Variants in HCRTR2 observed in about 807,000 individuals in gnomAD.
HCRTR2 encodes hypocretin receptor 2.
Under a neutral mutation model 49.0 loss-of-function variants are expected in HCRTR2, and 22 were observed. That is an observed-to-expected ratio of 0.45 (90% CI 0.32 to 0.64). The LOEUF is 0.64. Among genes scored for constraint, HCRTR2 ranks in the 30% least tolerant of loss-of-function variants. The pLI, the probability that HCRTR2 is intolerant of heterozygous loss-of-function variation, is 0.04. For missense variants in HCRTR2, 491 were observed against 559.4 expected (o/e 0.88, Z 1.23); for synonymous variants, 236 against 205.3 (o/e 1.15, Z -1.28).
intron 1 of HCRTR2, among the ~76,000 whole-genome samples, chr6:55,196,684 A>T (rs1295139161): frequency 6.6e-6 from 1 of 152,190 alleles, no homozygotes; most frequent in Non-Finnish European, 1.5e-5. Flanking sequence ...AACCTATATG[A>T]TTCAGGTGGT....
intron 4 of HCRTR2, among the ~76,000 whole-genome samples, chr6:55,275,170 T>C (rs1433905683): frequency 2.0e-5 from 3 of 152,230 alleles, no homozygotes; most frequent in African/African-American, 4.8e-5. Flanking sequence ...AGGTCCATCA[T>C]GTACATGCTA....
chr6:55,120,175 C>T (rs1288527134), intron 1 of HCRTR2, among the ~76,000 whole-genome samples: 1 of 152,034 alleles, frequency 6.6e-6, no homozygotes, highest in East Asian at 1.9e-4. Flanking sequence ...TTACTGTAGC[C>T]TTGTAGTATA....
rs1765731288 is a variant in HCRTR2 at position 55,213,464 on chromosome 6, T to A, written c.224-35175T>A. On this transcript the variant is annotated intron_variant, in intron 1 of 6. Coordinates refer to ENST00000370862, the MANE Select transcript of HCRTR2 (RefSeq NM_001384272.1). The stretch of plus-strand genomic sequence containing the variant: ...AGATATAGAAATCTTCAGGACCTCC[T>A]TCCGTCCATGGAACCACTGACTCAA... Among the ~76,000 whole-genome samples, 3 of 152,294 alleles carry A rather than the reference T, an allele frequency of 2.0e-5. No homozygotes were observed. The South Asian group carries it at 6.2e-4, about 32-fold the overall frequency.
chr6:55,227,490 T>A (rs911351923), intron 1 of HCRTR2, among the ~76,000 whole-genome samples: 2 of 152,316 alleles, frequency 1.3e-5, no homozygotes, highest in African/African-American at 2.4e-5. Context: ...TTATGCAACA[T>A]GGAAAGCATT....
chr6:55,238,808 G>A (rs998958714), intron 1 of HCRTR2, among the ~76,000 whole-genome samples: 2 of 152,070 alleles, frequency 1.3e-5, no homozygotes, highest in African/African-American at 4.8e-5. Flanking sequence ...AAAGACAAGT[G>A]GATTAAAGAC....
chr6:55,213,232 C>T (rs1030347469), intron 1 of HCRTR2, among the ~76,000 whole-genome samples: 1 of 152,054 alleles, frequency 6.6e-6, no homozygotes, highest in African/African-American at 2.4e-5. Flanking sequence ...TAAATAGCAG[C>T]ACATAGAATC....
chr6:55,121,447 T>C (rs6926877), intron 1 of HCRTR2, among the ~76,000 whole-genome samples: 85,770 of 151,932 alleles, frequency 0.56, 25,029 homozygotes, highest in African/African-American at 0.62. Flanking sequence ...TCCTCTTTTC[T>C]TAACTGAATA....
chr6:55,130,425 T>C (rs1300319950), intron 1 of HCRTR2, among the ~76,000 whole-genome samples: 2 of 151,554 alleles, frequency 1.3e-5, no homozygotes, highest in Admixed American at 6.6e-5. Context: ...TCTTTAAAAG[T>C]AATCCAACCA....
chr6:55,274,089 G>C (rs571682613), intron 4 of HCRTR2, among the ~76,000 whole-genome samples: 1 of 151,240 alleles, frequency 6.6e-6, no homozygotes, highest in African/African-American at 2.4e-5. Context: ...GACTGTCGTG[G>C]TATTGAACGT....
chr6:55,176,758 T>C (rs1480330523), intron 1 of HCRTR2, among the ~76,000 whole-genome samples: 1 of 152,214 alleles, frequency 6.6e-6, no homozygotes, highest in Non-Finnish European at 1.5e-5. Context: ...AGAGAATAGA[T>C]TCTCTGCTCC....
chr6:55,214,676 CA>C (rs1765757138), intron 1 of HCRTR2, among the ~76,000 whole-genome samples: 1 of 151,466 alleles, frequency 6.6e-6, no homozygotes, highest in Admixed American at 6.6e-5. Flanking sequence ...AGAAAAATTT[CA>C]AAATAGCAAT....
Position 55,276,997 on chromosome 6 carries a change from G to A in HCRTR2, c.763-383G>A, listed in dbSNP as rs577247332. Among the ~76,000 whole-genome samples the A allele has an allele frequency of 2.6e-3, 393 of 152,204 alleles. 2 individuals carry two copies. Among genetic ancestry groups the A allele is most frequent in the African/African-American group, 9.1e-3 (380 of 41,534 alleles). On this transcript the variant is annotated intron_variant, in intron 4 of 6. Transcript: ENST00000370862. ...CAGGTTGCTTGACGTTACTTGCTGG[G>A]TTTTCCTCTGCTTTAAACTTTGGTA...
At chr6:55,187,398 T>G (rs1765235036) in intron 1 of HCRTR2, among the ~76,000 whole-genome samples, 1 of 104,002 alleles carries the variant, frequency 9.6e-6, no homozygotes, top group Non-Finnish European at 1.8e-5. Context: ...GGTGACAGAG[T>G]GAGACTCCGT....
chr6:55,194,314 G>A (rs1308354153), intron 1 of HCRTR2, among the ~76,000 whole-genome samples: 1 of 152,050 alleles, frequency 6.6e-6, no homozygotes, highest in African/African-American at 2.4e-5. Context: ...ATGTTGCTAA[G>A]TATGTGACTT....
intron 3 of HCRTR2, among the ~76,000 whole-genome samples, chr6:55,259,767 C>A (rs1283819642): frequency 6.6e-6 from 1 of 151,820 alleles, no homozygotes. Context: ...TAAAGTAATG[C>A]TTATGTGAAA....
Position 55,259,523 on chromosome 6 carries a change from TAACATGCTGG to T in HCRTR2, c.646+4145_646+4154del, listed in dbSNP as rs527278518. Among the ~76,000 whole-genome samples the T allele has an allele frequency of 3.9e-3, 589 of 152,190 alleles. 7 individuals carry two copies. The highest frequency in any genetic ancestry group is 0.014 in the African/African-American group (564 of 41,570). ...GTTTCTAGTTTCTAGATAATTAAGA[TAACATGCTGG>T]CTGAATAATGAACCTTAAGTCATCT... On this transcript the variant is annotated intron_variant, in intron 3 of 6. Coordinates refer to ENST00000370862, the MANE Select transcript of HCRTR2 (RefSeq NM_001384272.1).
chr6:55,235,295 A>G (rs1164647071), intron 1 of HCRTR2, among the ~76,000 whole-genome samples: 1 of 152,102 alleles, frequency 6.6e-6, no homozygotes, highest in Admixed American at 6.6e-5. Context: ...GTCCAGTGAT[A>G]CATGATGGTT....
chr6:55,154,966 C>A (rs1764711649), intron 1 of HCRTR2, among the ~76,000 whole-genome samples: 2 of 151,654 alleles, frequency 1.3e-5, no homozygotes, highest in African/African-American at 4.8e-5. Flanking sequence ...ATTAAGGAAA[C>A]AATCCCCATT....
At chr6:55,245,468 T>TA (rs1432513892) in intron 1 of HCRTR2, among the ~76,000 whole-genome samples, 2,733 of 59,140 alleles carry the variant, frequency 0.046, 155 homozygotes, top group African/African-American at 0.15. Flanking sequence ...ATAGGAAGAT[T>TA]TTATATATAT....
Sources: allele counts gnomAD v4.1 joint callset (sites outside exome capture counted in the v4.1 genomes callset), GRCh38; gene constraint gnomAD v4.1.1; transcripts MANE v1.5; gene names NCBI Gene and HGNC (gene_info 2026-07-23, HGNC 2026-07-21).